The following TUB variants were observed in gnomAD, a reference collection of about 807,000 sequenced individuals.
TUB encodes the protein tubby protein homolog.
In TUB, 33 loss-of-function variants were observed where a neutral mutation model predicts 59.7. The ratio of observed to expected loss-of-function variants is 0.55; its 90% CI spans 0.42 to 0.74. TUB has a LOEUF of 0.74. Among genes scored for constraint, TUB ranks in the 30% least tolerant of loss-of-function variants. The pLI is 0.00. For synonymous variants in TUB, 293 were observed against 256.4 expected, an observed-to-expected ratio of 1.14 and a Z score of -1.36; for missense variants, 659 against 672.0, an observed-to-expected ratio of 0.98 and a Z score of 0.21.
Position 8,096,716 on chromosome 11 carries a change from T to TGAG in TUB, c.603_605dup (p.Glu201dup). ...CCAGCAGCATGAGCTTTGACGAGGATGAGGAGGATGAGGAGGAGAATAGCT... is the reference window on the plus strand; with the variant it reads ...CCAGCAGCATGAGCTTTGACGAGGATGAGGAGGAGGATGAGGAGGAGAATAGCT... On this transcript the variant is annotated inframe_insertion, in exon 6 of 12. Transcript: ENST00000299506. 1 of 1,613,252 alleles carries TGAG rather than the reference T, an allele frequency of 6.2e-7. No homozygotes were observed. Among genetic ancestry groups the TGAG allele is most frequent in the Non-Finnish European group, 8.5e-7 (1 of 1,179,488 alleles).
At position 8,102,813 on chromosome 11, in the gene TUB, C is replaced by T. The variant is rs983694107; in HGVS notation, c.*1194C>T. On this transcript the variant is annotated 3_prime_UTR_variant, in exon 12 of 12. Transcript: ENST00000299506. Reference sequence around the variant, plus strand: ...GTCACACTCAGAAAATGGGGCTTGCCCTGGGTCACCTAGCTGGTTAATGGC... The same window carrying T: ...GTCACACTCAGAAAATGGGGCTTGCTCTGGGTCACCTAGCTGGTTAATGGC... 1 of 152,134 alleles carries T rather than the reference C, an allele frequency of 6.6e-6. No individual in the cohort carries two copies. Among genetic ancestry groups the T allele is most frequent in the Non-Finnish European group, 1.5e-5 (1 of 68,040 alleles). The allele number at this position is 152,134 out of a possible 1,614,324, so 9.4% of individuals were successfully genotyped here.
intron 2 of TUB, among the ~76,000 whole-genome samples, chr11:8,053,115 A>G (rs567617043): frequency 2.0e-5 from 3 of 152,332 alleles, no homozygotes; most frequent in East Asian, 3.9e-4. Context: ...AGTTTTATCC[A>G]AGACCTCTTT....
intron 2 of TUB, among the ~76,000 whole-genome samples, chr11:8,074,471 C>T (rs938398092): frequency 1.3e-5 from 2 of 152,154 alleles, no homozygotes; most frequent in Non-Finnish European, 2.9e-5. Context: ...GGTGCGATGG[C>T]TCACACCTGT....
intron 1 of TUB, among the ~76,000 whole-genome samples, chr11:8,087,456 G>T (rs920267992): frequency 2.0e-5 from 3 of 152,230 alleles, no homozygotes; most frequent in Non-Finnish European, 4.4e-5. Flanking sequence ...GCACTGTCTT[G>T]TGGAGGTTGC....
chr11:8,093,073 C>G (rs1589967601), intron 3 of TUB, among the ~76,000 whole-genome samples: 1 of 152,090 alleles, frequency 6.6e-6, no homozygotes, highest in South Asian at 2.1e-4. Context: ...ACCTTACAGT[C>G]TAGGTGGAGA....
chr11:8,023,289 G>A (rs1046647512), intron 1 of TUB, among the ~76,000 whole-genome samples: 4 of 152,208 alleles, frequency 2.6e-5, no homozygotes, highest in Non-Finnish European at 5.9e-5. Context: ...CCACATTTCA[G>A]GGGTGGGGAA....
At chr11:8,091,216 CACTG>C (rs1242674454) in intron 3 of TUB, among the ~76,000 whole-genome samples, 1 of 152,154 alleles carries the variant, frequency 6.6e-6, no homozygotes, top group East Asian at 1.9e-4. Context: ...CTCTGGGTTC[CACTG>C]ACCCATAGCT....
At chr11:8,036,916 T>C (rs1942654819), upstream of TUB, among the ~76,000 whole-genome samples, 1 of 152,224 alleles carries the variant, frequency 6.6e-6, no homozygotes, top group South Asian at 2.1e-4. Flanking sequence ...CTGGTCCACT[T>C]TCCTTGGTTT....
chr11:8,020,761 GAGA>G (rs1471538947), intron 1 of TUB, among the ~76,000 whole-genome samples: 1 of 152,158 alleles, frequency 6.6e-6, no homozygotes, highest in Admixed American at 6.5e-5. Context: ...GCTCTCCACG[GAGA>G]AGAACTCTAT....
rs540880747 is a variant in TUB, at chr11:8,102,319, A to T, written c.*700A>T. The stretch of plus-strand genomic sequence containing the variant: ...TTTCTCCAGGTTTGCTGTGTCTCAC[A>T]GAGGCAGTAGGAACCCAGCTCTCAG... On this transcript the variant is annotated 3_prime_UTR_variant, in exon 12 of 12. Transcript: ENST00000299506. The T allele has an allele frequency of 6.6e-6, 1 of 152,118 alleles. No homozygotes were observed. Among genetic ancestry groups the T allele is most frequent in the African/African-American group, 2.4e-5 (1 of 41,378 alleles). 9.4% of individuals were successfully genotyped at this position (152,118 alleles called of 1,614,324 possible). A position where few individuals can be genotyped will look rare whatever the true frequency, so the allele number is the denominator to read the frequency against.
At chr11:8,073,997 G>T (rs1234625813) in intron 2 of TUB, among the ~76,000 whole-genome samples, 1 of 152,174 alleles carries the variant, frequency 6.6e-6, no homozygotes, top group Non-Finnish European at 1.5e-5. Context: ...GGTGTTTCTT[G>T]CAGCCAGTTG....
Sources: allele counts gnomAD v4.1 joint callset (sites outside exome capture counted in the v4.1 genomes callset), GRCh38; gene constraint gnomAD v4.1.1; transcripts MANE v1.5; gene names NCBI Gene and HGNC (gene_info 2026-07-23, HGNC 2026-07-21).